Variants in ALG10B observed in about 807,000 individuals in gnomAD.
ALG10B encodes dol-P-Glc:Glc(2)Man(9)GlcNAc(2)-PP-Dol alpha-1,2-glucosyltransferase B.
Under a neutral mutation model 38.7 loss-of-function variants are expected in ALG10B, and 27 were observed. The ratio of observed to expected loss-of-function variants is 0.70; its 90% CI spans 0.51 to 0.96. The LOEUF is 0.96. ALG10B is among the 40% of genes least tolerant of loss of function. The pLI is 0.00. For synonymous variants in ALG10B, 177 were observed against 193.3 expected, an observed-to-expected ratio of 0.92 and a Z score of 0.70; for missense variants, 522 against 542.7, an observed-to-expected ratio of 0.96 and a Z score of 0.38.
At position 38,329,317 on chromosome 12, in the gene ALG10B, A is replaced by G. The variant is rs1421468190; in HGVS notation, c.*8104A>G. ...AAAATAACTCAGGGCTGGAGCCTTC[A>G]GCCATATTAACATACATTGACATAA... On this transcript the variant is annotated 3_prime_UTR_variant, in exon 3 of 3. Coordinates refer to ENST00000308742, the MANE Select transcript of ALG10B (RefSeq NM_001013620.4). 1 of 397,790 alleles carries G rather than the reference A, an allele frequency of 2.5e-6. No homozygotes were observed. The highest frequency in any genetic ancestry group is 2.1e-5 in the African/African-American group (1 of 48,612). 24.6% of individuals were successfully genotyped at this position (397,790 alleles called of 1,614,324 possible).
In ALG10B at chr12:38,318,461, A is replaced by G. The variant is rs1340798385; in HGVS notation, c.369+3A>G. 1.2e-6 allele frequency: 2 copies of G among 1,612,868 alleles called. No individual in the cohort carries two copies. The highest frequency in any genetic ancestry group is 2.2e-5 in the East Asian group (1 of 44,868). ...ACAAGGTACAACCCAGAAACAAGGT[A>G]TGTTTCAAAATACTTAATTACAAGT... On this transcript the variant is annotated splice_donor_region_variant and intron_variant, in intron 2 of 2. Transcript: ENST00000308742.
chr12:38,316,798 C>T lies in ALG10B; in HGVS notation c.-96C>T. The T allele has an allele frequency of 6.2e-7, 1 of 1,605,030 alleles. No individual in the cohort carries two copies. Among genetic ancestry groups the T allele is most frequent in the South Asian group, 1.1e-5 (1 of 90,612 alleles). On this transcript the variant is annotated 5_prime_UTR_variant, in exon 1 of 3. Coordinates refer to ENST00000308742, the MANE Select transcript of ALG10B (RefSeq NM_001013620.4). ...TGTGGCCCCGTCTGGCTAGTCCTGT[C>T]TAGCGCGCCCATTTCGAGCCCAAGT...
In ALG10B at chr12:38,323,740, C is replaced by A. The variant is rs1383751615; in HGVS notation, c.*2527C>A. 3.3e-6 allele frequency: 2 copies of A among 602,930 alleles called. No homozygotes were observed. The highest frequency in any genetic ancestry group is 5.8e-6 in the Non-Finnish European group (2 of 342,012). The allele number at this position is 602,930 out of a possible 1,614,324, so 37.3% of individuals were successfully genotyped here. On this transcript the variant is annotated 3_prime_UTR_variant, in exon 3 of 3. Coordinates refer to ENST00000308742, the MANE Select transcript of ALG10B (RefSeq NM_001013620.4). ...AGTGATTGTAGAAAAACGTGTTTTA[C>A]CCAGACTTCTTAAAAATTAGATGAG... is the stretch of plus-strand genomic sequence containing the variant.
Position 38,323,280 on chromosome 12 carries a change from T to G in ALG10B, c.*2067T>G, listed in dbSNP as rs1229429829. 6.6e-6 allele frequency: 1 copy of G among 152,260 alleles called. No homozygotes were observed. Among genetic ancestry groups the G allele is most frequent in the African/African-American group, 2.4e-5 (1 of 41,436 alleles). The allele number at this position is 152,260 out of a possible 1,614,324, so 9.4% of individuals were successfully genotyped here. On this transcript the variant is annotated 3_prime_UTR_variant, in exon 3 of 3. Coordinates refer to ENST00000308742, the MANE Select transcript of ALG10B (RefSeq NM_001013620.4). ...TGATTCCATTATCTATTAAAAAAAG[T>G]CAGAATTGAAAGAAAGTTGAGAAAT...
At chr12:38,318,828 T>C (rs1945678472) in intron 2 of ALG10B, among the ~76,000 whole-genome samples, 1 of 152,148 alleles carries the variant, frequency 6.6e-6, no homozygotes, top group African/African-American at 2.4e-5. Context: ...GGACTTTTGA[T>C]GTGGTAATAG....
chr12:38,317,089 C>A (rs1351170544), intron 1 of ALG10B, 25 bp downstream of exon 1: 1 of 1,613,862 alleles, frequency 6.2e-7, no homozygotes, highest in African/African-American at 1.3e-5. Flanking sequence ...CTGTCCCCAC[C>A]CCAGGAGAGG....
At chr12:38,316,737 G>A (rs1945657963), upstream of ALG10B, 42 of 1,277,114 alleles carry the variant, frequency 3.3e-5, no homozygotes, top group East Asian at 9.7e-4. Context: ...CTGTTTTCCG[G>A]ATCCGCGCTC....
rs1389671021 is a variant in ALG10B, at chr12:38,326,014, T to G, written c.*4801T>G. 4 of 152,066 alleles carry G rather than the reference T, an allele frequency of 2.6e-5. No individual in the cohort carries two copies. The highest frequency in any genetic ancestry group is 5.9e-5 in the Non-Finnish European group (4 of 67,990). The allele number at this position is 152,066 out of a possible 1,614,324, so 9.4% of individuals were successfully genotyped here. A position where few individuals can be genotyped will look rare whatever the true frequency, so the allele number is the denominator to read the frequency against. On this transcript the variant is annotated 3_prime_UTR_variant, in exon 3 of 3. Transcript: ENST00000308742. ...TCATAATAAGAGTCATCCTAAACAT[T>G]TTTCTGTGTAATTTTCTGACCCAGT...
At chr12:38,317,176 T>G (rs1945663510) in intron 1 of ALG10B, 112 bp downstream of exon 1, 1 of 1,483,938 alleles carries the variant, frequency 6.7e-7, no homozygotes, top group African/African-American at 1.4e-5. Context: ...CACCCCAGCC[T>G]CAGAACATGA....
Position 38,328,357 on chromosome 12 carries a change from G to C in ALG10B, c.*7144G>C, listed in dbSNP as rs1245934516. 2.6e-5 allele frequency: 4 copies of C among 152,048 alleles called. No individual in the cohort carries two copies. The highest frequency in any genetic ancestry group is 4.8e-5 in the African/African-American group (2 of 41,410). The allele number at this position is 152,048 out of a possible 1,614,324, so 9.4% of individuals were successfully genotyped here. On this transcript the variant is annotated 3_prime_UTR_variant, in exon 3 of 3. Coordinates refer to ENST00000308742, the MANE Select transcript of ALG10B (RefSeq NM_001013620.4). ...CAACTTACTAAAATGTATTTTAGCG[G>C]TGATGTTTTGGAGCACTGGTAATAT...
At position 38,318,274 on chromosome 12, in the gene ALG10B, T is replaced by C. The variant is rs774059168; in HGVS notation, c.185T>C (p.Ile62Thr). The C allele has an allele frequency of 2.4e-5, 39 of 1,614,008 alleles. No homozygotes were observed. Among genetic ancestry groups the C allele is most frequent in the Non-Finnish European group, 3.2e-5 (38 of 1,180,006 alleles). The change falls in exon 2 of 3, where the codon ATT (isoleucine) becomes ACT (threonine). Residue 62 changes from isoleucine (I) to threonine (T), a missense_variant. Transcript: ENST00000308742. ...TTCATTTTAAAGTGGGATCCCATGA[T>C]TACTACATTACCTGGCTTGTACCTG... ...HFSLSQWDPM[I>T]TTLPGLYLVS...
intron 2 of ALG10B, among the ~76,000 whole-genome samples, chr12:38,319,677 A>G (rs1175948559): frequency 6.6e-6 from 1 of 152,222 alleles, no homozygotes; most frequent in Non-Finnish European, 1.5e-5. Context: ...AAGTCTGGAT[A>G]TGGTAAAATA....
In ALG10B at chr12:38,321,299, A is replaced by C. The variant is rs888050416; in HGVS notation, c.*86A>C. ...CAACTGAATAGGTGGAAAACATGGA[A>C]TTTCTTTTAGGTGCAGTGGTGGTCC... On this transcript the variant is annotated 3_prime_UTR_variant, in exon 3 of 3. Coordinates refer to ENST00000308742, the MANE Select transcript of ALG10B (RefSeq NM_001013620.4). 3.9e-5 allele frequency: 55 copies of C among 1,422,326 alleles called. No homozygotes were observed. In the African/African-American group the frequency reaches 7.4e-4, roughly 19 times the overall value. The allele number at this position is 1,422,326 out of a possible 1,614,324, so 88.1% of individuals were successfully genotyped here.
chr12:38,318,239 T>G (rs757173725), intron 1 of ALG10B, 22 bp from the exon 2 acceptor site: 1 of 1,613,206 alleles, frequency 6.2e-7, no homozygotes, highest in Admixed American at 1.7e-5. Context: ...TTGCTTTTAC[T>G]TCATTTTCTT....
intron 1 of ALG10B, 104 bp from the exon 2 acceptor site, chr12:38,318,157 A>T (rs1945672262): frequency 6.9e-7 from 1 of 1,447,760 alleles, no homozygotes; most frequent in Non-Finnish European, 9.7e-7. Flanking sequence ...CTAACTTCTC[A>T]AAATTTCTGA....
At position 38,324,769 on chromosome 12, in the gene ALG10B, C is replaced by T. The variant is rs1945729995; in HGVS notation, c.*3556C>T. 1 of 152,122 alleles carries T rather than the reference C, an allele frequency of 6.6e-6. No individual in the cohort carries two copies. The highest frequency in any genetic ancestry group is 1.5e-5 in the Non-Finnish European group (1 of 68,012). 9.4% of individuals were successfully genotyped at this position (152,122 alleles called of 1,614,324 possible). A position where few individuals can be genotyped will look rare whatever the true frequency, so the allele number is the denominator to read the frequency against. On this transcript the variant is annotated 3_prime_UTR_variant, in exon 3 of 3. Coordinates refer to ENST00000308742, the MANE Select transcript of ALG10B (RefSeq NM_001013620.4). ...GTGTTTAGATCCTTGCTTTTAGAAA[C>T]ATTCTTAGTTATATTTGTGTTTTCA... is the stretch of plus-strand genomic sequence containing the variant.
Position 38,316,794 on chromosome 12 carries a change from C to G in ALG10B, c.-100C>G, listed in dbSNP as rs1330627145. On this transcript the variant is annotated 5_prime_UTR_variant, in exon 1 of 3. Transcript: ENST00000308742. ...GGTATGTGGCCCCGTCTGGCTAGTC[C>G]TGTCTAGCGCGCCCATTTCGAGCCC... The G allele has an allele frequency of 1.3e-6, 2 of 1,597,864 alleles. No individual in the cohort carries two copies. The highest frequency in any genetic ancestry group is 8.6e-7 in the Non-Finnish European group (1 of 1,167,550).
At position 38,316,841 on chromosome 12, in the gene ALG10B, G is replaced by A. The variant is rs888217982; in HGVS notation, c.-53G>A. 1.2e-6 allele frequency: 2 copies of A among 1,613,448 alleles called. No homozygotes were observed. Among genetic ancestry groups the A allele is most frequent in the Non-Finnish European group, 1.7e-6 (2 of 1,179,880 alleles). Reference sequence around the variant, plus strand: ...GCCCAAGTTTCCAGCTCGGGTTTCCGGGCTCAGAATTTTCCAGGAGTGGGT... The same window carrying A: ...GCCCAAGTTTCCAGCTCGGGTTTCCAGGCTCAGAATTTTCCAGGAGTGGGT... On this transcript the variant is annotated 5_prime_UTR_variant, in exon 1 of 3. Transcript: ENST00000308742.
Position 38,328,801 on chromosome 12 carries a change from G to GT in ALG10B, c.*7590dup, listed in dbSNP as rs1945768497. The GT allele has an allele frequency of 6.1e-6, 1 of 164,286 alleles. No individual in the cohort carries two copies. Among genetic ancestry groups the GT allele is most frequent in the Admixed American group, 6.4e-5 (1 of 15,602 alleles). 10.2% of individuals were successfully genotyped at this position (164,286 alleles called of 1,614,324 possible). A position where few individuals can be genotyped will look rare whatever the true frequency, so the allele number is the denominator to read the frequency against. ...TGGCATACTTCATTCATATGACATA[G>GT]TTAGAATCTTTTCCCACAAACAATG... is the stretch of plus-strand genomic sequence containing the variant. On this transcript the variant is annotated 3_prime_UTR_variant, in exon 3 of 3. Coordinates refer to ENST00000308742, the MANE Select transcript of ALG10B (RefSeq NM_001013620.4).
Sources: gnomAD v4.1 joint callset for allele counts (sites outside exome capture counted in the v4.1 genomes callset) on GRCh38, gnomAD v4.1.1 for gene constraint, MANE v1.5 for transcripts, NCBI Gene and HGNC (gene_info 2026-07-23, HGNC 2026-07-21) for gene names.